DTX4: variants seen among roughly 807,000 people sequenced by gnomAD.
DTX4 encodes the protein E3 ubiquitin-protein ligase DTX4.
DTX4 carries 28 observed loss-of-function variants against 57.6 expected under a neutral mutation model. The observed-to-expected ratio is 0.49, with a 90% CI of 0.36 to 0.67. DTX4 has a LOEUF of 0.67. Among genes scored for constraint, DTX4 ranks in the 30% least tolerant of loss-of-function variants. The probability of loss-of-function intolerance (pLI) is 0.00; values close to 1 mark genes in which losing one functional copy is unlikely to be tolerated. For missense variants in DTX4, 715 were observed against 836.8 expected (o/e 0.85, Z 1.80); for synonymous variants, 316 against 331.0 (o/e 0.95, Z 0.49).
chr11:59,179,634 T>C (rs1172763540), intron 1 of DTX4, among the ~76,000 whole-genome samples: 1 of 152,214 alleles, frequency 6.6e-6, no homozygotes, highest in East Asian at 1.9e-4. Context: ...CTCCCCACCT[T>C]GTTCACTCTT....
At chr11:59,199,820 G>A in intron 8 of DTX4, 47 bp downstream of exon 8, 5 of 1,500,296 alleles carry the variant, frequency 3.3e-6, no homozygotes, top group Non-Finnish European at 4.5e-6. Context: ...GAATAGATCG[G>A]GCAGTTTACT....
chr11:59,208,316 A>C lies in DTX4; in HGVS notation c.*3407A>C, dbSNP rs1862842141. On this transcript the variant is annotated 3_prime_UTR_variant, in exon 9 of 9. Transcript: ENST00000227451. ...GTCCCTCCCCAACCACTTAAAAACA[A>C]ATTTTCCACATATTACCCACCCACA... 2.0e-5 allele frequency: 3 copies of C among 151,058 alleles called. No individual in the cohort carries two copies. Among genetic ancestry groups the C allele is most frequent in the Non-Finnish European group, 1.5e-5 (1 of 67,786 alleles). The allele number at this position is 151,058 out of a possible 1,614,324, so 9.4% of individuals were successfully genotyped here. A position where few individuals can be genotyped will look rare whatever the true frequency, so the allele number is the denominator to read the frequency against.
At chr11:59,171,733 C>G (rs1422233410), upstream of DTX4, among the ~76,000 whole-genome samples, 2 of 151,896 alleles carry the variant, frequency 1.3e-5, no homozygotes, top group African/African-American at 4.8e-5. Flanking sequence ...GGTGCGCGCG[C>G]GTGTGTGTGC....
chr11:59,208,314 C>T lies in DTX4; in HGVS notation c.*3405C>T, dbSNP rs1016606102. On this transcript the variant is annotated 3_prime_UTR_variant, in exon 9 of 9. Coordinates refer to ENST00000227451, the MANE Select transcript of DTX4 (RefSeq NM_015177.2). ...AAGTCCCTCCCCAACCACTTAAAAA[C>T]AAATTTTCCACATATTACCCACCCA... 1 of 151,392 alleles carries T rather than the reference C, an allele frequency of 6.6e-6. No individual in the cohort carries two copies. The highest frequency in any genetic ancestry group is 1.5e-5 in the Non-Finnish European group (1 of 67,868). 9.4% of individuals were successfully genotyped at this position (151,392 alleles called of 1,614,324 possible).
intron 1 of DTX4, among the ~76,000 whole-genome samples, chr11:59,174,033 C>A (rs1862363620): frequency 6.6e-6 from 1 of 152,154 alleles, no homozygotes; most frequent in African/African-American, 2.4e-5. Context: ...TGAGCAGAGT[C>A]TCTCTGCTTC....
At chr11:59,175,245 A>G (rs2135510284) in intron 1 of DTX4, among the ~76,000 whole-genome samples, 1 of 152,374 alleles carries the variant, frequency 6.6e-6, no homozygotes, top group South Asian at 2.1e-4. Flanking sequence ...AAACATCCCC[A>G]TAAACAAAAG....
intron 2 of DTX4, among the ~76,000 whole-genome samples, chr11:59,188,285 A>G (rs901207645): frequency 3.3e-5 from 5 of 152,186 alleles, no homozygotes; most frequent in Admixed American, 3.3e-4. Flanking sequence ...ATTCAATACT[A>G]TGGTCTCAGG....
In DTX4 at chr11:59,182,469, G is replaced by T; in HGVS notation, c.935+7G>T. 1.3e-6 allele frequency: 2 copies of T among 1,585,414 alleles called. No individual in the cohort carries two copies. The highest frequency in any genetic ancestry group is 8.6e-7 in the Non-Finnish European group (1 of 1,164,296). On this transcript the variant is annotated splice_region_variant and intron_variant, in intron 2 of 8. Coordinates refer to ENST00000227451, the MANE Select transcript of DTX4 (RefSeq NM_015177.2). ...GGGTGCTGATCGCCTCTGGGTAAGT[G>T]CTTCCACAGCTGCCTCAGAGCATTT...
rs1397680246 is a variant in DTX4, at chr11:59,195,374, G to A, written c.1536+5G>A. 6.3e-7 allele frequency: 1 copy of A among 1,597,608 alleles called. No homozygotes were observed. The highest frequency in any genetic ancestry group is 1.3e-5 in the African/African-American group (1 of 74,344). On this transcript the variant is annotated splice_donor_5th_base_variant and intron_variant, in intron 7 of 8. Transcript: ENST00000227451. ...AGCATCCCCCCCGGCATTCAGGTGAGCCTTTCTCTCAGGTGAGCCTTTCTG... is the reference window on the plus strand; with the variant it reads ...AGCATCCCCCCCGGCATTCAGGTGAACCTTTCTCTCAGGTGAGCCTTTCTG...
At chr11:59,200,635 G>A (rs193030643) in intron 8 of DTX4, among the ~76,000 whole-genome samples, 1 of 152,192 alleles carries the variant, frequency 6.6e-6, no homozygotes, top group African/African-American at 2.4e-5. Context: ...TTTCCCAAAA[G>A]GGCAGAGAAA....
At chr11:59,192,325 AG>A in intron 6 of DTX4, 75 bp downstream of exon 6, 1 of 1,564,610 alleles carries the variant, frequency 6.4e-7, no homozygotes, top group Admixed American at 1.7e-5. Flanking sequence ...AAGGCCCTTT[AG>A]GGCCCTTGCT....
At chr11:59,195,474 T>C (rs1382770586) in intron 7 of DTX4, 105 bp downstream of exon 7, 2 of 1,325,682 alleles carry the variant, frequency 1.5e-6, no homozygotes, top group Non-Finnish European at 2.0e-6. Context: ...TCCCACACTT[T>C]TCCGCCATCT....
Position 59,204,709 on chromosome 11 carries a change from C to T in DTX4, c.1660C>T (p.Arg554Cys), listed in dbSNP as rs548426721. 8.7e-6 allele frequency: 14 copies of T among 1,613,528 alleles called. No homozygotes were observed. The highest frequency in any genetic ancestry group is 2.2e-5 in the East Asian group (1 of 44,854). The change falls in exon 9 of 9, where the codon CGC (arginine) becomes TGC (cysteine). Residue 554 changes from arginine to cysteine, a missense_variant. By Grantham distance (180) the Arg-to-Cys change is radical. Coordinates refer to ENST00000227451, the MANE Select transcript of DTX4 (RefSeq NM_015177.2). ...GCTGCTGCTCGTGGCCTGGGATCGC[C>T]GCCTCATTTTTGCCATTGGCACCTC... ...LKLLLVAWDR[R>C]LIFAIGTSST...
At chr11:59,197,682 G>A (rs1168640085) in intron 7 of DTX4, among the ~76,000 whole-genome samples, 1 of 152,196 alleles carries the variant, frequency 6.6e-6, no homozygotes, top group Non-Finnish European at 1.5e-5. Flanking sequence ...TAGGAATGGG[G>A]CTCGAACAAG....
chr11:59,204,867 C>G lies in DTX4; in HGVS notation c.1818C>G (p.Ala606=), dbSNP rs763323249. ...YLDNVLAELA[A]QGISEDSTAQ... The stretch of plus-strand genomic sequence containing the variant: ...ATAATGTGCTGGCTGAACTGGCTGC[C>G]CAGGGCATCTCTGAGGACAGCACTG... The change falls in exon 9 of 9, where the codon GCC becomes GCG. Residue 606 remains alanine (A), a synonymous_variant. Transcript: ENST00000227451. The G allele has an allele frequency of 6.3e-7, 1 of 1,599,218 alleles. No individual in the cohort carries two copies. Among genetic ancestry groups the G allele is most frequent in the Non-Finnish European group, 8.5e-7 (1 of 1,172,558 alleles).
chr11:59,176,315 A>G (rs930238366), intron 1 of DTX4, among the ~76,000 whole-genome samples: 3 of 152,236 alleles, frequency 2.0e-5, no homozygotes, highest in African/African-American at 7.2e-5. Context: ...TAATCCTCAC[A>G]ACAATCTTAT....
rs1384995063 is a variant in DTX4, at chr11:59,192,170, G to A, written c.1294G>A (p.Asp432Asn). The A allele has an allele frequency of 2.5e-6, 4 of 1,613,866 alleles. No individual in the cohort carries two copies. The highest frequency in any genetic ancestry group is 3.4e-6 in the Non-Finnish European group (4 of 1,179,894). ...GGGCCCGCAGCCTACGGTAAAACCT[G>A]ACCTGGTAGGGAAGCTGTCCAGATG... ...YKGPQPTVKP[D>N]LVGKLSRCGH... Residue 432 changes from aspartate (D) to asparagine (N), a missense_variant, in exon 6 of 9, where the codon GAC becomes AAC. Asp to Asn is a conservative substitution (Grantham distance 23). Transcript: ENST00000227451.
intron 1 of DTX4, among the ~76,000 whole-genome samples, chr11:59,175,468 C>T (rs1013940149): frequency 6.6e-5 from 10 of 152,130 alleles, no homozygotes; most frequent in Admixed American, 5.9e-4. Flanking sequence ...CCCGTCTGCC[C>T]GCCTCTGTTT....
intron 1 of DTX4, among the ~76,000 whole-genome samples, chr11:59,175,637 G>T (rs1190004409): frequency 6.6e-6 from 1 of 152,154 alleles, no homozygotes; most frequent in Admixed American, 6.5e-5. Context: ...CAAAAGCCTC[G>T]GTGGGCCCCT....
Sources: gnomAD v4.1 joint callset for allele counts (sites outside exome capture counted in the v4.1 genomes callset) on GRCh38, gnomAD v4.1.1 for gene constraint, MANE v1.5 for transcripts, NCBI Gene and HGNC (gene_info 2026-07-23, HGNC 2026-07-21) for gene names.